PDE8B: variants seen among roughly 807,000 people sequenced by gnomAD.
PDE8B encodes high affinity cAMP-specific and IBMX-insensitive 3',5'-cyclic phosphodiesterase 8B.
A neutral mutation model predicts 101.3 loss-of-function variants in PDE8B; 26 were observed. That is an observed-to-expected ratio of 0.26 (90% confidence interval 0.19 to 0.36). The LOEUF is 0.36. Ranked by LOEUF, PDE8B falls within the 10% of genes least tolerant of loss-of-function variation. The probability of loss-of-function intolerance (pLI) is 1.00; values close to 1 mark genes in which losing one functional copy is unlikely to be tolerated. For synonymous variants in PDE8B, 424 were observed against 429.3 expected, an observed-to-expected ratio of 0.99 and a Z score of 0.15; for missense variants, 810 against 1,163.1, an observed-to-expected ratio of 0.70 and a Z score of 4.42.
At chr5:77,147,051 T>G in the PDE8B span, 1 of 438,648 alleles carries the variant, frequency 2.3e-6, no homozygotes, top group Non-Finnish European at 4.5e-6. Flanking sequence ...GGATATTGCC[T>G]CATACTGAGC....
Position 77,423,617 on chromosome 5 carries a change from C to CTTTTG in PDE8B, c.2418+1638_2418+1642dup, listed in dbSNP as rs147848888. Among the ~76,000 whole-genome samples the CTTTTG allele has an allele frequency of 1.8e-3, 191 of 106,686 alleles. 1 individual carries two copies. The highest frequency in any genetic ancestry group is 5.9e-3 in the African/African-American group (176 of 29,918). The allele number at this position is 106,686 out of a possible 152,430, so 70.0% of individuals were successfully genotyped here. On this transcript the variant is annotated intron_variant, in intron 20 of 21. Transcript: ENST00000264917. Reference sequence around the variant, plus strand: ...TGCATGTCTGATTAGTGATGCTGGACTTTTGTTTTGTTTAGTTTTTTTTTT... The same window carrying CTTTTG: ...TGCATGTCTGATTAGTGATGCTGGACTTTTGTTTTGTTTTGTTTAGTTTTTTTTTT...
the PDE8B span, among the ~76,000 whole-genome samples, chr5:77,154,537 T>G: frequency 6.6e-6 from 1 of 152,360 alleles, no homozygotes; most frequent in Middle Eastern, 3.4e-3. Flanking sequence ...TAAGGTCCTC[T>G]GCATTTGGCC....
intron 1 of PDE8B, among the ~76,000 whole-genome samples, chr5:77,279,831 G>A (rs914448788): frequency 1.3e-5 from 2 of 152,204 alleles, no homozygotes; most frequent in African/African-American, 4.8e-5. Context: ...GGAAGTGAGA[G>A]TGACAATCTC....
At chr5:77,104,360 A>C in the PDE8B span, among the ~76,000 whole-genome samples, 1 of 152,354 alleles carries the variant, frequency 6.6e-6, no homozygotes, top group East Asian at 1.9e-4. Context: ...TTCAAAATTC[A>C]TACTGAAACT....
intron 20 of PDE8B, among the ~76,000 whole-genome samples, chr5:77,422,625 T>C (rs1411441421): frequency 6.6e-6 from 1 of 152,114 alleles, no homozygotes; most frequent in East Asian, 1.9e-4. Context: ...ATTGTAGCAG[T>C]GTAGAGAGTT....
the PDE8B span, chr5:77,087,916 T>C: frequency 1.3e-5 from 2 of 152,554 alleles, no homozygotes; most frequent in Non-Finnish European, 2.9e-5. Context: ...AACAATTAGC[T>C]CCTGTACATG....
intron 18 of PDE8B, among the ~76,000 whole-genome samples, chr5:77,419,356 T>C (rs1402162132): frequency 6.6e-6 from 1 of 152,200 alleles, no homozygotes; most frequent in African/African-American, 2.4e-5. Flanking sequence ...AAAGAGGCTG[T>C]GGCCATCCTG....
At chr5:77,314,600 A>T (rs189496585) in intron 2 of PDE8B, among the ~76,000 whole-genome samples, 1 of 152,158 alleles carries the variant, frequency 6.6e-6, no homozygotes. Flanking sequence ...TTGTGAATAT[A>T]GAAATTCCTA....
chr5:77,190,320 C>A, the PDE8B span, among the ~76,000 whole-genome samples: 271 of 152,296 alleles, frequency 1.8e-3, 1 homozygote, highest in African/African-American at 6.3e-3. Flanking sequence ...CCTCTGGAAG[C>A]CTTTCTTCAT....
the PDE8B span, chr5:77,146,612 A>C: frequency 1.0e-5 from 3 of 286,284 alleles, no homozygotes; most frequent in African/African-American, 6.8e-5. Flanking sequence ...AGGTGTTATT[A>C]TATGCATTCT....
intron 1 of PDE8B, chr5:77,290,859 A>G (rs1767154015): frequency 1.9e-6 from 3 of 1,569,584 alleles, no homozygotes; most frequent in South Asian, 1.1e-5. Flanking sequence ...CACTTCCCTC[A>G]TTAGTGTGGC....
chr5:77,191,865 G>A, the PDE8B span, among the ~76,000 whole-genome samples: 1 of 152,128 alleles, frequency 6.6e-6, no homozygotes, highest in African/African-American at 2.4e-5. Context: ...ATCAGTGGGA[G>A]CCCTGAGCTT....
At chr5:77,338,696 T>G (rs1207837535) in intron 6 of PDE8B, among the ~76,000 whole-genome samples, 1 of 152,172 alleles carries the variant, frequency 6.6e-6, no homozygotes, top group African/African-American at 2.4e-5. Context: ...CTCTACTGTT[T>G]TTAATTGAAG....
intron 2 of PDE8B, among the ~76,000 whole-genome samples, chr5:77,313,304 A>T (rs977080530): frequency 6.6e-6 from 1 of 152,202 alleles, no homozygotes; most frequent in Non-Finnish European, 1.5e-5. Context: ...AGGAAAAAAA[A>T]AAAGGAAGAG....
intron 2 of PDE8B, 41 bp downstream of exon 2, chr5:77,312,094 CT>C (rs745327805): frequency 2.5e-4 from 274 of 1,094,722 alleles, no homozygotes; most frequent in Non-Finnish European, 3.1e-4. Flanking sequence ...AGATTATTTT[CT>C]TTTTTTTTTC....
intron 14 of PDE8B, 91 bp downstream of exon 14, chr5:77,409,148 A>AAGTACCTGTTATATAGACTAACG: frequency 9.2e-7 from 1 of 1,083,264 alleles, no homozygotes. Flanking sequence ...GTGGTTGCAG[A>AAGTACCTGTTATATAGACTAACG]AGTACCTGTT....
chr5:77,402,928 T>G (rs1029310105), intron 11 of PDE8B, among the ~76,000 whole-genome samples: 5 of 152,186 alleles, frequency 3.3e-5, no homozygotes, highest in African/African-American at 1.2e-4. Context: ...CTTAAAGAAG[T>G]GTTATTGCAT....
chr5:77,206,316 A>G (rs1330865145), upstream of PDE8B, among the ~76,000 whole-genome samples: 1 of 152,232 alleles, frequency 6.6e-6, no homozygotes, highest in Non-Finnish European at 1.5e-5. Context: ...CATAATAGTA[A>G]GTGAGTTAAT....
At chr5:77,327,936 A>G (rs921069449) in intron 3 of PDE8B, among the ~76,000 whole-genome samples, 107 of 152,348 alleles carry the variant, frequency 7.0e-4, no homozygotes, top group African/African-American at 2.4e-3. Flanking sequence ...GAGAAAGGTC[A>G]TAAAATGTTG....
Sources: gnomAD v4.1 joint callset for allele counts (sites outside exome capture counted in the v4.1 genomes callset) on GRCh38, gnomAD v4.1.1 for gene constraint, MANE v1.5 for transcripts, NCBI Gene and HGNC (gene_info 2026-07-23, HGNC 2026-07-21) for gene names.